The following AFP variants were observed in gnomAD, a reference collection of about 807,000 sequenced individuals.
AFP encodes alpha-fetoprotein.
AFP carries 64 observed loss-of-function variants against 78.9 expected under a neutral mutation model. The ratio of observed to expected loss-of-function variants is 0.81; its 90% CI spans 0.66 to 1.00. The LOEUF is 1.00. Among genes scored for constraint, AFP ranks in the 50% least tolerant of loss-of-function variants. AFP has a pLI of 0.00. For synonymous variants in AFP, 254 were observed against 243.8 expected (o/e 1.04, Z -0.39); for missense variants, 689 against 703.8 (o/e 0.98, Z 0.24).
chr4:73,446,294 AC>A (rs1282780474), intron 7 of AFP, among the ~76,000 whole-genome samples: 8 of 152,190 alleles, frequency 5.3e-5, no homozygotes, highest in Non-Finnish European at 1.0e-4. Flanking sequence ...TTTTGAACGG[AC>A]AATTTTACTG....
intron 11 of AFP, among the ~76,000 whole-genome samples, chr4:73,451,651 AGTTGTAT>A (rs1719996516): frequency 6.6e-6 from 1 of 152,200 alleles, no homozygotes; most frequent in Non-Finnish European, 1.5e-5. Flanking sequence ...ACTATTCTTT[AGTTGTAT>A]CACAGTGGGA....
chr4:73,447,839 A>G (rs17182362), intron 8 of AFP, among the ~76,000 whole-genome samples, 163 bp downstream of exon 8: 3,717 of 152,288 alleles, frequency 0.024, 67 homozygotes, highest in Non-Finnish European at 0.039. Flanking sequence ...GTAGATAACC[A>G]GGGAATAAGT....
intron 12 of AFP, among the ~76,000 whole-genome samples, 168 bp downstream of exon 12, chr4:73,452,792 T>C (rs573353203): frequency 2.1e-4 from 32 of 152,298 alleles, no homozygotes; most frequent in Admixed American, 4.6e-4. Context: ...CACAGTCTCA[T>C]TGGGGAAGCA....
At chr4:73,446,938 C>T (rs142663304) in intron 7 of AFP, among the ~76,000 whole-genome samples, 208 of 152,146 alleles carry the variant, frequency 1.4e-3, no homozygotes, top group African/African-American at 4.7e-3. Context: ...AGCACTAAAA[C>T]GGGAGACAAG....
rs758117253 is a variant in AFP at position 73,447,472 on chromosome 4, T to G, written c.854T>G (p.Met285Arg). The G allele has an allele frequency of 6.2e-7, 1 of 1,605,794 alleles. No individual in the cohort carries two copies. Among genetic ancestry groups the G allele is most frequent in the South Asian group, 1.1e-5 (1 of 89,908 alleles). ...LDCLQDGEKI[M>R]SYICSQQDTL... ...TTTTCTCTGTTGCAGGAAAAAATCA[T>G]GTCCTACATATGTTCTCAACAAGAC... is the stretch of plus-strand genomic sequence containing the variant. The change falls in exon 8 of 15, where the codon ATG becomes AGG. Residue 285 changes from methionine to arginine, a missense_variant. By Grantham distance (91) the Met-to-Arg change is moderately conservative. Transcript: ENST00000395792.
At chr4:73,449,617 G>GTTAA in intron 9 of AFP, 150 bp downstream of exon 9, 2 of 937,996 alleles carry the variant, frequency 2.1e-6, no homozygotes, top group Non-Finnish European at 3.3e-6. Context: ...TTAACTAGCA[G>GTTAA]TCAGCAGCTA....
At chr4:73,442,455 C>G (rs373933604) in intron 5 of AFP, 27 bp downstream of exon 5, 22 of 1,612,568 alleles carry the variant, frequency 1.4e-5, no homozygotes, top group Non-Finnish European at 1.9e-5. Flanking sequence ...GATATCTGAA[C>G]CAGTACTGTA....
Position 73,450,011 on chromosome 4 carries a change from A to T in AFP, c.1192-25A>T, listed in dbSNP as rs551657585. The T allele has an allele frequency of 6.5e-5, 100 of 1,530,952 alleles. 1 individual carries two copies. The South Asian group carries it at 1.1e-3, about 17-fold the overall frequency. 94.8% of individuals were successfully genotyped at this position (1,530,952 alleles called of 1,614,324 possible). On this transcript the variant is annotated intron_variant, in intron 9 of 14. Coordinates refer to ENST00000395792, the MANE Select transcript of AFP (RefSeq NM_001134.3). ...TATGCATCCAAGAAAAGAAAAATGTATATGTAATAATTCTTCATTTTCAGG... is the reference window on the plus strand; with the variant it reads ...TATGCATCCAAGAAAAGAAAAATGTTTATGTAATAATTCTTCATTTTCAGG...
intron 1 of AFP, 129 bp downstream of exon 1, chr4:73,436,476 A>T: frequency 1.7e-6 from 1 of 587,850 alleles, no homozygotes; most frequent in East Asian, 3.0e-5. Flanking sequence ...TATTTAACTG[A>T]TGGATATATT....
In AFP at chr4:73,438,235, G is replaced by T. The variant is rs759526509; in HGVS notation, c.199G>T (p.Val67Leu). ...EATYKEVSKM[V>L]KDALTAIEKP... ...CACTTACAAGGAAGTAAGCAAAATG[G>T]TGAAAGATGCATTGACTGCAATTGA... Residue 67 changes from valine (V) to leucine (L), a missense_variant, in exon 3 of 15, where the codon GTG becomes TTG. Transcript: ENST00000395792. 30 of 1,613,370 alleles carry T rather than the reference G, an allele frequency of 1.9e-5. No individual in the cohort carries two copies. Among genetic ancestry groups the T allele is most frequent in the Non-Finnish European group, 2.3e-5 (27 of 1,179,548 alleles).
rs115622472 is a variant in AFP at position 73,450,744 on chromosome 4, C to T, written c.1419C>T (p.Gly473=). 1,513 of 1,614,046 alleles carry T rather than the reference C, an allele frequency of 9.4e-4. 9 individuals are homozygous for T. The African/African-American group carries it at 0.018, about 19-fold the overall frequency. Residue 473 remains glycine (G), a synonymous_variant, in exon 11 of 15, where the codon GGC becomes GGT. Transcript: ENST00000395792. ...GTGAGGACAAACTATTGGCCTGTGGCGAGGGAGCGGTGAGTGTCTGCTTGG... is the reference window on the plus strand; with the variant it reads ...GTGAGGACAAACTATTGGCCTGTGGTGAGGGAGCGGTGAGTGTCTGCTTGG... ...QLSEDKLLAC[G]EGAADIIIGH...
At chr4:73,444,263 T>A (rs1375080841) in intron 6 of AFP, among the ~76,000 whole-genome samples, 5 of 152,130 alleles carry the variant, frequency 3.3e-5, no homozygotes, top group African/African-American at 1.2e-4. Context: ...TTTAAAAAAA[T>A]TTATCTTAGT....
At chr4:73,437,937 C>G (rs1180967510) in intron 2 of AFP, among the ~76,000 whole-genome samples, 2 of 151,938 alleles carry the variant, frequency 1.3e-5, no homozygotes, top group Non-Finnish European at 2.9e-5. Context: ...ATGGGAAATC[C>G]ACTTATTTTA....
Position 73,450,645 on chromosome 4 carries a change from C to T in AFP, c.1320C>T (p.Pro440=), listed in dbSNP as rs746056920. 3 of 1,614,042 alleles carry T rather than the reference C, an allele frequency of 1.9e-6. No individual in the cohort carries two copies. The highest frequency in any genetic ancestry group is 2.7e-5 in the African/African-American group (2 of 74,928). ...TCGTTGCTTACACAAAGAAAGCCCC[C>T]CAGCTGACCTCGTCGGAGCTGATGG... ...AFLVAYTKKA[P]QLTSSELMAI... Residue 440 remains proline (P), a synonymous_variant, in exon 11 of 15, where the codon CCC becomes CCT. Coordinates refer to ENST00000395792, the MANE Select transcript of AFP (RefSeq NM_001134.3).
chr4:73,440,521 A>G, intron 3 of AFP, 81 bp from the exon 4 acceptor site: 1 of 1,143,364 alleles, frequency 8.7e-7, no homozygotes, highest in Non-Finnish European at 1.3e-6. Flanking sequence ...GATTTTAGAC[A>G]TTAGAAAATG....
Position 73,440,818 on chromosome 4 carries a change from G to A in AFP, c.482+5G>A. The A allele has an allele frequency of 1.9e-6, 3 of 1,612,186 alleles. No homozygotes were observed. Among genetic ancestry groups the A allele is most frequent in the Non-Finnish European group, 2.5e-6 (3 of 1,178,870 alleles). ...CAGGGAGACATTCATGAACAAGTAA[G>A]GATCCAGTTTAAAGGTAGATGCAAA... On this transcript the variant is annotated splice_donor_5th_base_variant and intron_variant, in intron 4 of 14. Coordinates refer to ENST00000395792, the MANE Select transcript of AFP (RefSeq NM_001134.3).
At chr4:73,444,054 A>G (rs531145383) in intron 6 of AFP, among the ~76,000 whole-genome samples, 19 of 152,280 alleles carry the variant, frequency 1.2e-4, no homozygotes, top group African/African-American at 4.6e-4. Flanking sequence ...AGTAGTAAGT[A>G]TATATATTCA....
In AFP at chr4:73,455,614, T is replaced by C; in HGVS notation, c.*11-17T>C. On this transcript the variant is annotated splice_polypyrimidine_tract_variant and intron_variant, in intron 14 of 14. Transcript: ENST00000395792. ...TTAGTTTAATTAGTATTTAATATAT[T>C]TTTGCTCATATTGCAGGGGAAGAGA... 1 of 688,778 alleles carries C rather than the reference T, an allele frequency of 1.5e-6. No homozygotes were observed. The highest frequency in any genetic ancestry group is 2.6e-6 in the Non-Finnish European group (1 of 381,632). 42.7% of individuals were successfully genotyped at this position (688,778 alleles called of 1,614,324 possible).
rs1158931947 is a variant in AFP at position 73,442,330 on chromosome 4, C to T, written c.517C>T (p.Leu173=). The stretch of plus-strand genomic sequence containing the variant: ...TGAGATAGCAAGAAGGCATCCCTTC[C>T]TGTATGCACCTACAATTCTTCTTTG... The part of the protein sequence containing the change: ...IYEIARRHPF[L]YAPTILLWAA... The change falls in exon 5 of 15, where the codon CTG becomes TTG. Residue 173 remains leucine (L), a synonymous_variant. Transcript: ENST00000395792. 5 of 1,613,624 alleles carry T rather than the reference C, an allele frequency of 3.1e-6. No homozygotes were observed. The highest frequency in any genetic ancestry group is 1.3e-5 in the African/African-American group (1 of 74,874).
Sources: allele counts gnomAD v4.1 joint callset (sites outside exome capture counted in the v4.1 genomes callset), GRCh38; gene constraint gnomAD v4.1.1; transcripts MANE v1.5; gene names NCBI Gene and HGNC (gene_info 2026-07-23, HGNC 2026-07-21).